The following FRMD3 variants were observed in gnomAD, a reference collection of about 807,000 sequenced individuals.
FRMD3 encodes the protein FERM domain containing 3.
A neutral mutation model predicts 70.2 loss-of-function variants in FRMD3; 33 were observed. That is an observed-to-expected ratio of 0.47 (90% CI 0.36 to 0.63). The LOEUF (loss-of-function observed/expected upper bound fraction) is 0.63, where lower values mean the gene tolerates loss of function less well. FRMD3 is among the 20% of genes least tolerant of loss of function. FRMD3 has a pLI of 0.00. For synonymous variants in FRMD3, 279 were observed against 255.9 expected, an observed-to-expected ratio of 1.09 and a Z score of -0.86; for missense variants, 632 against 711.4, an observed-to-expected ratio of 0.89 and a Z score of 1.27.
chr9:83,263,906 A>G (rs1304018613), intron 13 of FRMD3, among the ~76,000 whole-genome samples: 2 of 152,236 alleles, frequency 1.3e-5, no homozygotes, highest in Non-Finnish European at 1.5e-5. Flanking sequence ...AAAATATAAC[A>G]AAGTAGCATA....
intron 1 of FRMD3, among the ~76,000 whole-genome samples, chr9:83,389,969 C>T (rs1275416409): frequency 6.6e-6 from 1 of 152,172 alleles, no homozygotes; most frequent in African/African-American, 2.4e-5. Flanking sequence ...CAAAATAATC[C>T]ATATGCCATT....
At chr9:83,464,840 G>A (rs756575587) in intron 1 of FRMD3, among the ~76,000 whole-genome samples, 3 of 151,980 alleles carry the variant, frequency 2.0e-5, no homozygotes, top group Non-Finnish European at 4.4e-5. Context: ...CGAACATAGC[G>A]AAACCCGATC....
At chr9:83,521,886 T>C (rs2131546142) in intron 1 of FRMD3, among the ~76,000 whole-genome samples, 1 of 152,294 alleles carries the variant, frequency 6.6e-6, no homozygotes, top group South Asian at 2.1e-4. Context: ...TCAACACATT[T>C]CCCCATTTAT....
intron 6 of FRMD3, among the ~76,000 whole-genome samples, chr9:83,325,499 A>AT (rs1316398549): frequency 2.0e-5 from 3 of 151,440 alleles, no homozygotes; most frequent in Non-Finnish European, 4.4e-5. Context: ...TAATTTTTGT[A>AT]TTTTTTGTAG....
intron 1 of FRMD3, among the ~76,000 whole-genome samples, chr9:83,440,036 T>C (rs1223333108): frequency 6.6e-6 from 1 of 152,102 alleles, no homozygotes; most frequent in Non-Finnish European, 1.5e-5. Context: ...TCCCTGACAA[T>C]AGCCATTACA....
At chr9:83,428,371 C>T (rs1392450223) in intron 1 of FRMD3, among the ~76,000 whole-genome samples, 3 of 149,676 alleles carry the variant, frequency 2.0e-5, no homozygotes, top group Non-Finnish European at 4.4e-5. Context: ...GAGCGAGACT[C>T]GGCCTCAAAA....
intron 1 of FRMD3, among the ~76,000 whole-genome samples, chr9:83,480,007 TA>T (rs1414190335): frequency 3.9e-5 from 6 of 152,312 alleles, no homozygotes; most frequent in Admixed American, 3.9e-4. Flanking sequence ...GCATATAAAT[TA>T]GTGCAACCTT....
rs765620864 is a variant in FRMD3, at chr9:83,290,699, G to A, written c.1099C>T (p.His367Tyr). Reference sequence around the variant, plus strand: ...ATGATGAGCTGTTTGTTCAAGGAGTGGGAACTGCGGCTCTGAGTAATGTTG... The same window carrying A: ...ATGATGAGCTGTTTGTTCAAGGAGTAGGAACTGCGGCTCTGAGTAATGTTG... ...RANITQSRSS[H>Y]SLNKQLIINM... is the part of the protein sequence containing the mutation. Residue 367 changes from histidine to tyrosine, a missense_variant, in exon 13 of 14, where the codon CAC (histidine) becomes TAC (tyrosine). Around this residue, in one of 3 missense-constraint regions of FRMD3, gnomAD observed 418 missense variants for 442.1 expected, o/e 0.95. Coordinates refer to ENST00000304195, the MANE Select transcript of FRMD3 (RefSeq NM_174938.6). The A allele has an allele frequency of 2.5e-5, 41 of 1,613,268 alleles. No homozygotes were observed. The highest frequency in any genetic ancestry group is 3.2e-5 in the Non-Finnish European group (38 of 1,179,650).
intron 1 of FRMD3, among the ~76,000 whole-genome samples, chr9:83,395,666 C>T (rs555314610): frequency 6.6e-6 from 1 of 152,068 alleles, no homozygotes; most frequent in African/African-American, 2.4e-5. Flanking sequence ...GCATTTACTT[C>T]AACTCCCAAG....
intron 1 of FRMD3, among the ~76,000 whole-genome samples, chr9:83,439,821 T>A (rs1233720429): frequency 6.6e-6 from 1 of 152,166 alleles, no homozygotes; most frequent in African/African-American, 2.4e-5. Context: ...TGAGTGACAG[T>A]AAGTTAGCAG....
At chr9:83,523,521 C>T (rs1200610784) in intron 1 of FRMD3, among the ~76,000 whole-genome samples, 1 of 152,126 alleles carries the variant, frequency 6.6e-6, no homozygotes, top group East Asian at 1.9e-4. Context: ...CCAGTAAACA[C>T]ACTAAAGAAA....
chr9:83,325,997 T>C (rs966257733), intron 6 of FRMD3, among the ~76,000 whole-genome samples: 3 of 152,236 alleles, frequency 2.0e-5, no homozygotes, highest in Non-Finnish European at 4.4e-5. Flanking sequence ...ACAGTAGTAG[T>C]TGCAATGAAG....
the FRMD3 span, among the ~76,000 whole-genome samples, chr9:83,559,427 T>G: frequency 1.3e-5 from 2 of 152,226 alleles, no homozygotes; most frequent in African/African-American, 2.4e-5. Context: ...AAACATAACT[T>G]TCATATGCAC....
chr9:83,292,190 G>A (rs1426774996), intron 12 of FRMD3, among the ~76,000 whole-genome samples: 6 of 142,972 alleles, frequency 4.2e-5, no homozygotes, highest in East Asian at 4.1e-4. Flanking sequence ...ACAGAGTCTC[G>A]CTCTGTCACC....
intron 1 of FRMD3, among the ~76,000 whole-genome samples, chr9:83,527,383 T>C (rs1232523856): frequency 6.6e-6 from 1 of 152,164 alleles, no homozygotes; most frequent in African/African-American, 2.4e-5. Context: ...ATACCTGTGA[T>C]AGACACACCA....
intron 1 of FRMD3, among the ~76,000 whole-genome samples, chr9:83,421,469 A>AT (rs138150751): frequency 0.11 from 17,218 of 152,154 alleles, 1,136 homozygotes; most frequent in African/African-American, 0.17. Flanking sequence ...AGAAACTGAG[A>AT]TGCAGAAAAA....
chr9:83,583,842 GA>G, the FRMD3 span, among the ~76,000 whole-genome samples: 4 of 152,072 alleles, frequency 2.6e-5, no homozygotes, highest in Admixed American at 2.6e-4. Context: ...CTCCTGGGCT[GA>G]GGTAATCTTC....
chr9:83,563,298 T>C, the FRMD3 span, among the ~76,000 whole-genome samples: 1 of 152,224 alleles, frequency 6.6e-6, no homozygotes, highest in African/African-American at 2.4e-5. Flanking sequence ...CCTTCAGGCA[T>C]GCAGGTGTCC....
chr9:83,309,426 A>G, intron 10 of FRMD3, 110 bp downstream of exon 10: 1 of 654,474 alleles, frequency 1.5e-6, no homozygotes, highest in Non-Finnish European at 2.6e-6. Context: ...TTACTTAAAT[A>G]TAACTTTTAA....
Sources: allele counts gnomAD v4.1 joint callset (sites outside exome capture counted in the v4.1 genomes callset), GRCh38; gene constraint gnomAD v4.1.1; regional missense constraint gnomAD v4.1.1; transcripts MANE v1.5; gene names NCBI Gene and HGNC (gene_info 2026-07-23, HGNC 2026-07-21).